ADGRB1: variants seen among roughly 807,000 people sequenced by gnomAD.
ADGRB1 encodes adhesion G protein-coupled receptor B1.
Under a neutral mutation model 175.7 loss-of-function variants are expected in ADGRB1, and 36 were observed. That is an observed-to-expected ratio of 0.20 (90% confidence interval 0.16 to 0.27). The LOEUF (loss-of-function observed/expected upper bound fraction) is 0.27. Among genes scored for constraint, ADGRB1 ranks in the 10% least tolerant of loss-of-function variants. ADGRB1 has a pLI of 1.00. For synonymous variants in ADGRB1, 1,054 were observed against 979.4 expected (o/e 1.08, Z -1.42); for missense variants, 1,731 against 2,255.3 (o/e 0.77, Z 4.71).
At chr8:142,466,172 G>A (rs1053792682) in intron 2 of ADGRB1, among the ~76,000 whole-genome samples, 1 of 152,178 alleles carries the variant, frequency 6.6e-6, no homozygotes, top group Non-Finnish European at 1.5e-5. Context: ...CATACATCGG[G>A]TGTTCGGGGG....
intron 24 of ADGRB1, among the ~76,000 whole-genome samples, chr8:142,529,281 T>A (rs1320103103): frequency 6.6e-6 from 1 of 152,062 alleles, no homozygotes; most frequent in Non-Finnish European, 1.5e-5. Context: ...AGTGTGCATA[T>A]GTGAGTGTAC....
At position 142,537,849 on chromosome 8, in the gene ADGRB1, C is replaced by A. The variant is rs992662869; in HGVS notation, c.3666+767C>A. Reference sequence around the variant, plus strand: ...TTCCACACCTCGACCTCAGCATCTTCCTCCTGCAGCCTTGTGCCCCTGGGG... The same window carrying A: ...TTCCACACCTCGACCTCAGCATCTTACTCCTGCAGCCTTGTGCCCCTGGGG... On this transcript the variant is annotated intron_variant, in intron 26 of 30. Coordinates refer to ENST00000517894, the MANE Select transcript of ADGRB1 (RefSeq NM_001702.3). This position sits in a 1 kb window ranked among gnomAD's most constrained non-coding sequence, Gnocchi z 4.6. Among the ~76,000 whole-genome samples the A allele has an allele frequency of 2.0e-5, 3 of 152,178 alleles. No individual in the cohort carries two copies. Among genetic ancestry groups the A allele is most frequent in the Non-Finnish European group, 4.4e-5 (3 of 68,012 alleles).
At chr8:142,496,912 C>G (rs1311946133) in intron 17 of ADGRB1, among the ~76,000 whole-genome samples, 3 of 152,324 alleles carry the variant, frequency 2.0e-5, no homozygotes, top group African/African-American at 7.2e-5. Flanking sequence ...TCCAACTGGG[C>G]TGGGAGTTTC....
At chr8:142,482,753 T>A (rs1009618318) in intron 11 of ADGRB1, among the ~76,000 whole-genome samples, 2 of 143,914 alleles carry the variant, frequency 1.4e-5, no homozygotes. Flanking sequence ...CGCTGAGCTC[T>A]GGTCATAAGC....
chr8:142,484,621 C>T (rs1377092014), intron 12 of ADGRB1, 35 bp from the exon 13 acceptor site: 1 of 1,575,892 alleles, frequency 6.3e-7, no homozygotes, highest in Non-Finnish European at 8.6e-7. Flanking sequence ...ACAGTGGGGC[C>T]TCCTCCCTCG....
In ADGRB1 at chr8:142,543,592, C is replaced by T. The variant is rs775628396; in HGVS notation, c.4450-9C>T. ...GGCCCAGGACTCACTGCCCAGACCC[C>T]GCCTGCAGAAGATCATGCACACCCG... On this transcript the variant is annotated splice_polypyrimidine_tract_variant and intron_variant, in intron 29 of 30. Coordinates refer to ENST00000517894, the MANE Select transcript of ADGRB1 (RefSeq NM_001702.3). This position sits in a 1 kb window ranked among gnomAD's most constrained non-coding sequence, Gnocchi z 4.4. The T allele has an allele frequency of 3.3e-5, 52 of 1,569,540 alleles. No individual in the cohort carries two copies. The highest frequency in any genetic ancestry group is 1.5e-4 in the South Asian group (13 of 85,928).
At chr8:142,471,811 G>A (rs1466177992) in intron 2 of ADGRB1, among the ~76,000 whole-genome samples, 2 of 152,198 alleles carry the variant, frequency 1.3e-5, no homozygotes, top group African/African-American at 2.4e-5. Flanking sequence ...CAGTAGGAGC[G>A]GCTGGCAGCA....
intron 1 of ADGRB1, among the ~76,000 whole-genome samples, chr8:142,453,219 G>A (rs1214912528): frequency 1.3e-5 from 2 of 152,166 alleles, no homozygotes; most frequent in East Asian, 3.9e-4. Flanking sequence ...GTGCCCGTCC[G>A]GGAGGCTGGG....
rs760115389 is a variant in ADGRB1 at position 142,489,116 on chromosome 8, G to T, written c.2528+6G>T. The T allele has an allele frequency of 6.2e-7, 1 of 1,601,972 alleles. No homozygotes were observed. Among genetic ancestry groups the T allele is most frequent in the Non-Finnish European group, 8.5e-7 (1 of 1,176,366 alleles). On this transcript the variant is annotated splice_donor_region_variant and intron_variant, in intron 15 of 30. Coordinates refer to ENST00000517894, the MANE Select transcript of ADGRB1 (RefSeq NM_001702.3). ...AGCTTCCTGGCCCTGCAGAGGTGGG[G>T]AGCCCTGGGCAGGTGGGGTGGGCAG...
Position 142,449,770 on chromosome 8 carries a change from C to A in ADGRB1, c.-554C>A, listed in dbSNP as rs1325156478. 1 of 146,528 alleles carries A rather than the reference C, an allele frequency of 6.8e-6. No homozygotes were observed. The highest frequency in any genetic ancestry group is 1.5e-5 in the Non-Finnish European group (1 of 65,680). The allele number at this position is 146,528 out of a possible 1,614,324, so 9.1% of individuals were successfully genotyped here. ...GGCCCCGGCGGAGCGAGCGCGGAGC[C>A]GGAGAGCCGGGAGCACAGGCGGCCG... On this transcript the variant is annotated 5_prime_UTR_variant, in exon 1 of 31. Transcript: ENST00000517894.
intron 1 of ADGRB1, among the ~76,000 whole-genome samples, chr8:142,457,059 C>T: frequency 6.6e-6 from 1 of 152,194 alleles, no homozygotes; most frequent in South Asian, 2.1e-4. Flanking sequence ...ATCTTTAGGG[C>T]CTGCAGGTGG....
At chr8:142,466,172 G>C (rs1053792682) in intron 2 of ADGRB1, among the ~76,000 whole-genome samples, 2 of 152,178 alleles carry the variant, frequency 1.3e-5, no homozygotes, top group African/African-American at 4.8e-5. Context: ...CATACATCGG[G>C]TGTTCGGGGG....
intron 1 of ADGRB1, among the ~76,000 whole-genome samples, chr8:142,456,976 C>T (rs879423004): frequency 7.9e-5 from 12 of 152,244 alleles, no homozygotes; most frequent in Middle Eastern, 3.2e-3. Flanking sequence ...ACTCTGGCCT[C>T]AGACCGGCCC....
intron 2 of ADGRB1, among the ~76,000 whole-genome samples, chr8:142,466,562 G>A (rs1404132677): frequency 6.6e-6 from 1 of 152,240 alleles, no homozygotes; most frequent in Admixed American, 6.5e-5. Flanking sequence ...TGTCAGGACA[G>A]GTGGGCACCT....
chr8:142,480,183 C>T (rs373443731), intron 9 of ADGRB1, among the ~76,000 whole-genome samples: 5 of 152,180 alleles, frequency 3.3e-5, no homozygotes, highest in African/African-American at 2.4e-5. Context: ...CAGGGCTCCA[C>T]GGGGAAGGGC....
At chr8:142,466,766 C>A (rs996807644) in intron 2 of ADGRB1, among the ~76,000 whole-genome samples, 3 of 151,980 alleles carry the variant, frequency 2.0e-5, no homozygotes, top group Non-Finnish European at 2.9e-5. Context: ...GGGTGGTGGA[C>A]GGTTTGGGAG....
intron 7 of ADGRB1, among the ~76,000 whole-genome samples, chr8:142,478,732 T>G (rs1276014092): frequency 7.1e-5 from 5 of 70,126 alleles, no homozygotes; most frequent in Admixed American, 1.8e-4. Flanking sequence ...AGTGTGGCCA[T>G]GGGGTAGCGG....
intron 12 of ADGRB1, 128 bp downstream of exon 12, chr8:142,484,173 C>T (rs937585211): frequency 1.3e-6 from 1 of 750,614 alleles, no homozygotes; most frequent in Non-Finnish European, 2.2e-6. Flanking sequence ...TCAGGATGGT[C>T]TCTTGCTGGT....
chr8:142,487,095 T>C (rs1841707103), intron 13 of ADGRB1, among the ~76,000 whole-genome samples: 1 of 152,242 alleles, frequency 6.6e-6, no homozygotes. Context: ...TGATTGCTAC[T>C]ACTTCAATAA....
Sources: gnomAD v4.1 joint callset for allele counts (sites outside exome capture counted in the v4.1 genomes callset) on GRCh38, gnomAD v4.1.1 for gene constraint, Gnocchi (gnomAD v3.1) non-coding constraint, MANE v1.5 for transcripts, NCBI Gene and HGNC (gene_info 2026-07-23, HGNC 2026-07-21) for gene names.